Variants in SNX29 observed in about 807,000 individuals in gnomAD.
SNX29 encodes the protein sorting nexin 29.
In SNX29, 78 loss-of-function variants were observed where a neutral mutation model predicts 102.1. The observed-to-expected ratio is 0.76, with a 90% confidence interval of 0.64 to 0.92. The LOEUF (loss-of-function observed/expected upper bound fraction) is 0.92. SNX29 is among the 40% of genes least tolerant of loss of function. SNX29 has a pLI of 0.00. For missense variants in SNX29, 1,280 were observed against 1,061.7 expected, an observed-to-expected ratio of 1.21 and a Z score of -2.86; for synonymous variants, 580 against 414.5, an observed-to-expected ratio of 1.40 and a Z score of -4.85.
intron 15 of SNX29, among the ~76,000 whole-genome samples, chr16:12,312,839 T>G (rs1326522340): frequency 6.6e-6 from 1 of 152,058 alleles, no homozygotes; most frequent in Non-Finnish European, 1.5e-5. Context: ...ACTCAGACAT[T>G]CCTGTGACCA....
chr16:12,093,267 G>A (rs2052634166), intron 11 of SNX29, among the ~76,000 whole-genome samples: 1 of 152,206 alleles, frequency 6.6e-6, no homozygotes, highest in Admixed American at 6.5e-5. Flanking sequence ...GAGAAGCAAT[G>A]TGTTGGGATG....
At chr16:12,555,775 G>A (rs994903420) in intron 20 of SNX29, among the ~76,000 whole-genome samples, 1 of 151,898 alleles carries the variant, frequency 6.6e-6, no homozygotes, top group Non-Finnish European at 1.5e-5. Flanking sequence ...AGGCTGCTCA[G>A]TGGCACCAGG....
intron 20 of SNX29, among the ~76,000 whole-genome samples, chr16:12,542,490 C>A (rs1424162583): frequency 6.6e-6 from 1 of 152,234 alleles, no homozygotes; most frequent in Non-Finnish European, 1.5e-5. Context: ...CACTACCACA[C>A]CTGGCTCATT....
chr16:12,039,620 G>T (rs1437949587), intron 4 of SNX29, among the ~76,000 whole-genome samples: 1 of 152,184 alleles, frequency 6.6e-6, no homozygotes, highest in Admixed American at 6.5e-5. Context: ...TCACATTTCA[G>T]AGGGGACTGT....
intron 18 of SNX29, among the ~76,000 whole-genome samples, chr16:12,452,790 G>C (rs2086364644): frequency 1.3e-5 from 2 of 152,090 alleles, no homozygotes; most frequent in African/African-American, 4.8e-5. Context: ...ATGGTGCTGT[G>C]GGACAGGAAC....
At chr16:12,477,697 C>T (rs538971177) in intron 18 of SNX29, 22 bp from the exon 19 acceptor site, 1 of 1,603,664 alleles carries the variant, frequency 6.2e-7, no homozygotes, top group African/African-American at 1.3e-5. Flanking sequence ...AAGAGGAATT[C>T]ACATTTTCTC....
At chr16:12,508,222 C>G (rs976733752) in intron 19 of SNX29, among the ~76,000 whole-genome samples, 2 of 152,090 alleles carry the variant, frequency 1.3e-5, no homozygotes, top group Non-Finnish European at 2.9e-5. Flanking sequence ...AGGGAGGAGT[C>G]CAGAGAATCG....
chr16:12,062,970 C>T (rs1399599775), intron 9 of SNX29, among the ~76,000 whole-genome samples: 1 of 152,180 alleles, frequency 6.6e-6, no homozygotes, highest in Admixed American at 6.5e-5. Context: ...TGAGTGCTTC[C>T]TGTCTGTCAG....
chr16:12,562,393 A>T (rs2078777223), intron 20 of SNX29, among the ~76,000 whole-genome samples: 1 of 152,214 alleles, frequency 6.6e-6, no homozygotes. Flanking sequence ...CTCAAGAGAC[A>T]GATCACATAC....
chr16:12,365,915 G>A lies in SNX29; in HGVS notation c.1899+9636G>A, dbSNP rs191825411. 1.5e-4 allele frequency among the ~76,000 whole-genome samples: 23 copies of A among 151,614 alleles called. No homozygotes were observed. In the East Asian group the frequency reaches 3.3e-3, roughly 22 times the overall value. On this transcript the variant is annotated intron_variant, in intron 16 of 20. Coordinates refer to ENST00000566228, the MANE Select transcript of SNX29 (RefSeq NM_032167.5). ...AAATTAGCCATGCGTGGTGGCGGGC[G>A]CTTGTAGTCCCAGCTACTCGGGAGG...
chr16:12,369,426 G>A (rs997722770), intron 16 of SNX29, among the ~76,000 whole-genome samples: 8 of 152,154 alleles, frequency 5.3e-5, no homozygotes, highest in South Asian at 4.1e-4. Flanking sequence ...GTGAGCCACC[G>A]TGCCCGGCCG....
chr16:12,447,918 T>G (rs1238120522), intron 18 of SNX29, among the ~76,000 whole-genome samples: 2 of 152,124 alleles, frequency 1.3e-5, no homozygotes, highest in Non-Finnish European at 1.5e-5. Context: ...AGGGCTTTTA[T>G]CCAATGGGAT....
intron 3 of SNX29, among the ~76,000 whole-genome samples, chr16:12,007,787 C>A (rs1051471926): frequency 2.6e-5 from 4 of 152,168 alleles, no homozygotes; most frequent in African/African-American, 4.8e-5. Context: ...AATGCAGATT[C>A]CCTCACCTCA....
intron 4 of SNX29, among the ~76,000 whole-genome samples, chr16:12,030,981 G>A (rs146350800): frequency 6.6e-6 from 1 of 152,312 alleles, no homozygotes; most frequent in East Asian, 1.9e-4. Flanking sequence ...AGCAGCTGAA[G>A]CACTAATGCC....
chr16:12,494,385 G>A (rs184570620), intron 19 of SNX29, among the ~76,000 whole-genome samples: 167 of 152,270 alleles, frequency 1.1e-3, no homozygotes, highest in Admixed American at 4.6e-3. Context: ...GAGCAGTTCC[G>A]CATCAGACTC....
intron 9 of SNX29, among the ~76,000 whole-genome samples, chr16:12,062,696 T>C (rs1000560951): frequency 2.6e-5 from 4 of 152,174 alleles, no homozygotes; most frequent in Non-Finnish European, 4.4e-5. Context: ...ATGTGCCTTC[T>C]CTGGGCCCAG....
At chr16:12,001,224 G>A (rs1433535338) in intron 2 of SNX29, among the ~76,000 whole-genome samples, 1 of 152,024 alleles carries the variant, frequency 6.6e-6, no homozygotes, top group Non-Finnish European at 1.5e-5. Context: ...TGATTCTGCT[G>A]CCTCAGCCTC....
chr16:12,086,009 C>CTT (rs34239419), intron 11 of SNX29, among the ~76,000 whole-genome samples: 55 of 117,376 alleles, frequency 4.7e-4, no homozygotes, highest in Non-Finnish European at 5.4e-4. Flanking sequence ...CTTGCCAATT[C>CTT]TTTTTTTTTT....
At chr16:12,539,498 G>A (rs1286404340) in intron 20 of SNX29, among the ~76,000 whole-genome samples, 5 of 152,228 alleles carry the variant, frequency 3.3e-5, no homozygotes, top group Admixed American at 6.5e-5. Context: ...AAGGAATAAA[G>A]TTGCGTTGGT....
Sources: gnomAD v4.1 joint callset for allele counts (sites outside exome capture counted in the v4.1 genomes callset) on GRCh38, gnomAD v4.1.1 for gene constraint, MANE v1.5 for transcripts, NCBI Gene and HGNC (gene_info 2026-07-23, HGNC 2026-07-21) for gene names.